The following DPP10 variants were observed in gnomAD, a reference collection of about 807,000 sequenced individuals.
DPP10 encodes the protein dipeptidyl peptidase like 10.
Under a neutral mutation model 120.9 loss-of-function variants are expected in DPP10, and 33 were observed. That is an observed-to-expected ratio of 0.27 (90% CI 0.21 to 0.37). DPP10 has a LOEUF of 0.37. Ranked by LOEUF, DPP10 falls within the 10% of genes least tolerant of loss-of-function variation. DPP10 has a pLI of 1.00. For synonymous variants in DPP10, 337 were observed against 326.1 expected (o/e 1.03, Z -0.36); for missense variants, 816 against 942.8 (o/e 0.87, Z 1.76).
At chr2:114,764,284 C>CTTTT (rs201499611) in intron 1 of DPP10, among the ~76,000 whole-genome samples, 9 of 126,044 alleles carry the variant, frequency 7.1e-5, no homozygotes, top group South Asian at 2.5e-4. Context: ...CTTAAATTGC[C>CTTTT]TTTTTTTTTT....
chr2:115,164,973 A>C (rs2052721761), intron 1 of DPP10, among the ~76,000 whole-genome samples: 1 of 152,190 alleles, frequency 6.6e-6, no homozygotes, highest in South Asian at 2.1e-4. Flanking sequence ...TATTTATGAC[A>C]GTTATTTTTG....
intron 1 of DPP10, among the ~76,000 whole-genome samples, chr2:114,748,338 CTTTTTT>C (rs1255227047): frequency 1.4e-5 from 1 of 70,324 alleles, no homozygotes; most frequent in African/African-American, 6.3e-5. Context: ...AGGGAATTTT[CTTTTTT>C]TTTTTTATTT....
rs183431147 is a variant in DPP10, at chr2:115,704,254, T to A, written c.576+14333T>A. ...GACCTAGCCATTTAAAAAAAAAAAA[T>A]TTCCTTCAAAAGTCTTTGTTAAATA... On this transcript the variant is annotated intron_variant, in intron 7 of 25. Transcript: ENST00000410059. Among the ~76,000 whole-genome samples, 492 of 151,880 alleles carry A rather than the reference T, an allele frequency of 3.2e-3. 3 individuals carry two copies. The highest frequency in any genetic ancestry group is 0.011 in the African/African-American group (439 of 41,464).
chr2:114,683,444 C>T (rs71418509), intron 1 of DPP10, among the ~76,000 whole-genome samples: 1 of 151,434 alleles, frequency 6.6e-6, no homozygotes, highest in Admixed American at 6.6e-5. Flanking sequence ...GTGCCTTCCT[C>T]CCTTCCTTCC....
At chr2:115,794,127 G>C (rs1011498774) in intron 19 of DPP10, among the ~76,000 whole-genome samples, 1 of 152,078 alleles carries the variant, frequency 6.6e-6, no homozygotes, top group African/African-American at 2.4e-5. Context: ...ATAAACAATA[G>C]AGCGACTATT....
intron 8 of DPP10, among the ~76,000 whole-genome samples, chr2:115,737,805 T>A (rs1214212021): frequency 1.3e-5 from 2 of 152,200 alleles, no homozygotes; most frequent in African/African-American, 2.4e-5. Flanking sequence ...ACAAATTTTC[T>A]CTGACTTTAG....
intron 1 of DPP10, among the ~76,000 whole-genome samples, chr2:115,276,418 A>G (rs2059924486): frequency 6.6e-6 from 1 of 152,180 alleles, no homozygotes; most frequent in Admixed American, 6.5e-5. Flanking sequence ...TTTTATCTTA[A>G]AAAAAGGAGA....
At chr2:115,680,687 G>C (rs562901170) in intron 5 of DPP10, among the ~76,000 whole-genome samples, 1 of 152,028 alleles carries the variant, frequency 6.6e-6, no homozygotes, top group Admixed American at 6.5e-5. Flanking sequence ...TTAAGTATGA[G>C]ACCATAAAGG....
At chr2:114,725,436 C>G (rs190734592) in intron 1 of DPP10, among the ~76,000 whole-genome samples, 1 of 152,260 alleles carries the variant, frequency 6.6e-6, no homozygotes, top group Admixed American at 6.5e-5. Context: ...GACCTTCTTA[C>G]CTTTAGCCTT....
In DPP10 at chr2:115,357,657, C is replaced by G. The variant is rs985762941; in HGVS notation, c.271+13745C>G. Reference sequence around the variant, plus strand: ...TCTCACAACTCCACTAGGCAGTGCCCCAGTGGGGCCACTATGTGGGGGCTC... The same window carrying G: ...TCTCACAACTCCACTAGGCAGTGCCGCAGTGGGGCCACTATGTGGGGGCTC... On this transcript the variant is annotated intron_variant, in intron 3 of 25. Coordinates refer to ENST00000410059, the MANE Select transcript of DPP10 (RefSeq NM_020868.6). 1.6e-4 allele frequency among the ~76,000 whole-genome samples: 25 copies of G among 152,292 alleles called. No homozygotes were observed. The East Asian group carries it at 4.1e-3, about 25-fold the overall frequency.
At chr2:114,533,852 T>C (rs1208921521) in intron 1 of DPP10, among the ~76,000 whole-genome samples, 1 of 152,162 alleles carries the variant, frequency 6.6e-6, no homozygotes, top group Non-Finnish European at 1.5e-5. Flanking sequence ...ATCCCCTCAT[T>C]TGAAGCTTAT....
At chr2:114,471,292 G>A (rs139935229) in intron 1 of DPP10, among the ~76,000 whole-genome samples, 5 of 152,292 alleles carry the variant, frequency 3.3e-5, no homozygotes, top group Non-Finnish European at 5.9e-5. Flanking sequence ...TTAAATTTGA[G>A]AGTTTTGGAT....
chr2:115,490,145 G>A (rs4849399), intron 3 of DPP10, among the ~76,000 whole-genome samples: 42,379 of 151,962 alleles, frequency 0.28, 6,642 homozygotes, highest in East Asian at 0.41. Context: ...GTATTAGCCT[G>A]TTCTCATGGT....
At chr2:114,591,763 C>T (rs1022300529) in intron 1 of DPP10, among the ~76,000 whole-genome samples, 2 of 151,934 alleles carry the variant, frequency 1.3e-5, no homozygotes, top group Non-Finnish European at 2.9e-5. Context: ...CCATGTTGGT[C>T]AGGCTGGTCT....
At chr2:114,498,430 A>G (rs1682868311) in intron 1 of DPP10, among the ~76,000 whole-genome samples, 1 of 152,172 alleles carries the variant, frequency 6.6e-6, no homozygotes, top group African/African-American at 2.4e-5. Context: ...AACTCAAATC[A>G]GTATGTCAAA....
chr2:115,063,188 T>C (rs917311089), intron 1 of DPP10, among the ~76,000 whole-genome samples: 8 of 152,216 alleles, frequency 5.3e-5, no homozygotes, highest in East Asian at 1.9e-4. Flanking sequence ...GTAAATGTCT[T>C]CTTTTGAGAA....
chr2:114,698,725 A>G (rs1700211652), intron 1 of DPP10, among the ~76,000 whole-genome samples: 1 of 152,080 alleles, frequency 6.6e-6, no homozygotes, highest in East Asian at 1.9e-4. Flanking sequence ...GAAGTGACTC[A>G]TGGTGTGAAT....
At chr2:115,485,315 G>A (rs2075707477) in intron 3 of DPP10, among the ~76,000 whole-genome samples, 1 of 143,176 alleles carries the variant, frequency 7.0e-6, no homozygotes, top group African/African-American at 2.9e-5. Context: ...AAAGAAAAAC[G>A]ACAACCTATT....
intron 1 of DPP10, among the ~76,000 whole-genome samples, chr2:115,227,330 A>C (rs990202352): frequency 5.9e-5 from 9 of 152,200 alleles, no homozygotes; most frequent in African/African-American, 1.9e-4. Context: ...AGAGTACATT[A>C]AATCATGTAT....
Sources: allele counts gnomAD v4.1 joint callset (sites outside exome capture counted in the v4.1 genomes callset), GRCh38; gene constraint gnomAD v4.1.1; transcripts MANE v1.5; gene names NCBI Gene and HGNC (gene_info 2026-07-23, HGNC 2026-07-21).